The following IMPA2 variants were observed in gnomAD, a reference collection of about 807,000 sequenced individuals.
The protein encoded by IMPA2 is inositol monophosphatase 2, also known as IMP 2.
In IMPA2, 32 loss-of-function variants were observed where a neutral mutation model predicts 35.1. The ratio of observed to expected loss-of-function variants is 0.91; its 90% CI spans 0.69 to 1.23. The LOEUF is 1.23. Among genes scored for constraint, IMPA2 ranks in the 50% most tolerant of loss-of-function variants. The pLI is 0.00. For synonymous variants in IMPA2, 135 were observed against 160.6 expected (o/e 0.84, Z 1.20); for missense variants, 334 against 387.6 (o/e 0.86, Z 1.16).
At chr18:12,008,366 G>A (rs1459795562) in intron 2 of IMPA2, 2 of 518,964 alleles carry the variant, frequency 3.9e-6, no homozygotes, top group South Asian at 1.4e-5. Context: ...TGTGAACCCG[G>A]CACAGGAACT....
At chr18:11,998,607 C>T (rs1372366830) in intron 1 of IMPA2, among the ~76,000 whole-genome samples, 1 of 152,110 alleles carries the variant, frequency 6.6e-6, no homozygotes, top group Non-Finnish European at 1.5e-5. Flanking sequence ...ACTGAAATCT[C>T]CTAAATTTGA....
rs114094293 is a variant in IMPA2 at position 11,996,558 on chromosome 18, C to T, written c.97-2496C>T. 4.4e-3 allele frequency among the ~76,000 whole-genome samples: 666 copies of T among 152,246 alleles called. 3 individuals are homozygous for T. The highest frequency in any genetic ancestry group is 0.015 in the African/African-American group (634 of 41,542). On this transcript the variant is annotated intron_variant, in intron 1 of 7. Coordinates refer to ENST00000269159, the MANE Select transcript of IMPA2 (RefSeq NM_014214.3). ...GGTTCAGAACCCACCACCACCTGCC[C>T]ACCCCGCCCGCTGAGGTGGAACATC...
At position 11,981,589 on chromosome 18, in the gene IMPA2, T is replaced by A; in HGVS notation, c.-81T>A. 1 of 949,330 alleles carries A rather than the reference T, an allele frequency of 1.1e-6. No individual in the cohort carries two copies. The highest frequency in any genetic ancestry group is 5.4e-5 in the South Asian group (1 of 18,526). The allele number at this position is 949,330 out of a possible 1,614,324, so 58.8% of individuals were successfully genotyped here. ...GAGCAGGCACAGGGAGTGTGGAGCC[T>A]GGCGGCGGGACGGCGGGATCCGGTG... On this transcript the variant is annotated 5_prime_UTR_variant, in exon 1 of 8. Transcript: ENST00000269159.
chr18:12,009,726 A>G (rs915801117), intron 2 of IMPA2, among the ~76,000 whole-genome samples, 157 bp from the exon 3 acceptor site: 5 of 152,174 alleles, frequency 3.3e-5, no homozygotes, highest in Admixed American at 6.5e-5. Context: ...CAAAAAGCAC[A>G]TGGTTGTTTA....
intron 1 of IMPA2, among the ~76,000 whole-genome samples, chr18:11,998,809 A>G (rs953450834): frequency 1.3e-5 from 2 of 152,038 alleles, no homozygotes; most frequent in Admixed American, 6.6e-5. Context: ...TTGTAAAAGA[A>G]TAATGGTGGA....
intron 1 of IMPA2, among the ~76,000 whole-genome samples, chr18:11,984,624 G>T (rs1471270917): frequency 1.3e-5 from 2 of 152,060 alleles, no homozygotes; most frequent in African/African-American, 2.4e-5. Context: ...TGGATCACCT[G>T]AGGTCGGGAA....
chr18:12,014,501 A>G, intron 5 of IMPA2, 128 bp downstream of exon 5: 1 of 575,640 alleles, frequency 1.7e-6, no homozygotes, highest in Non-Finnish European at 3.0e-6. Flanking sequence ...TTTTAGGGAC[A>G]TCGTGTCCCT....
At chr18:12,028,632 T>C in intron 6 of IMPA2, 1 of 588,282 alleles carries the variant, frequency 1.7e-6, no homozygotes, top group Admixed American at 3.1e-5. Context: ...AGCTGGGAGC[T>C]GTCATGGCAC....
chr18:11,997,180 G>C (rs1271821085), intron 1 of IMPA2, among the ~76,000 whole-genome samples: 3 of 152,218 alleles, frequency 2.0e-5, no homozygotes, highest in Non-Finnish European at 4.4e-5. Context: ...GAGGGTCCTG[G>C]ACCATGGGCA....
At chr18:12,009,695 T>C (rs912735005) in intron 2 of IMPA2, among the ~76,000 whole-genome samples, 188 bp from the exon 3 acceptor site, 1 of 152,176 alleles carries the variant, frequency 6.6e-6, no homozygotes, top group African/African-American at 2.4e-5. Context: ...TCCTGCTGAG[T>C]AGGTCCGCTG....
At chr18:11,988,271 G>T (rs1906722795) in intron 1 of IMPA2, among the ~76,000 whole-genome samples, 1 of 152,190 alleles carries the variant, frequency 6.6e-6, no homozygotes, top group Non-Finnish European at 1.5e-5. Flanking sequence ...CTCCCAAAGT[G>T]CTGGGATTAC....
chr18:12,019,711 G>A (rs780128495), intron 5 of IMPA2, among the ~76,000 whole-genome samples: 4 of 151,954 alleles, frequency 2.6e-5, no homozygotes, highest in Non-Finnish European at 5.9e-5. Flanking sequence ...TGTATTGGTC[G>A]TTTGGGAAAT....
intron 5 of IMPA2, among the ~76,000 whole-genome samples, chr18:12,024,516 T>C (rs1907825253): frequency 6.6e-6 from 1 of 152,194 alleles, no homozygotes; most frequent in Non-Finnish European, 1.5e-5. Flanking sequence ...TGCACTTGTA[T>C]GACTTGAAGT....
At chr18:12,019,388 G>A (rs999056517) in intron 5 of IMPA2, among the ~76,000 whole-genome samples, 3 of 151,060 alleles carry the variant, frequency 2.0e-5, no homozygotes, top group Non-Finnish European at 4.4e-5. Flanking sequence ...CGGAGTAGCT[G>A]GAATTATAGG....
intron 1 of IMPA2, chr18:11,994,075 A>G (rs1181145181): frequency 6.6e-6 from 1 of 152,252 alleles, no homozygotes. Flanking sequence ...AACAGTTAAT[A>G]TTTTAAAAGA....
In IMPA2 at chr18:11,991,802, T is replaced by G. The variant is rs1598684486; in HGVS notation, c.97-7252T>G. On this transcript the variant is annotated intron_variant, in intron 1 of 7. Transcript: ENST00000269159. The surrounding 1 kb of genome is among the most constrained non-coding windows in gnomAD (Gnocchi z 4.1). ...CCCACAGGAAGGAGAGGGATCTACT[T>G]TCCTGATTAAGATGCTGATGCCCTC... 6.6e-6 allele frequency among the ~76,000 whole-genome samples: 1 copy of G among 152,146 alleles called. No individual in the cohort carries two copies. Among genetic ancestry groups the G allele is most frequent in the East Asian group, 1.9e-4 (1 of 5,174 alleles).
At chr18:12,024,720 C>T (rs1253877209) in intron 5 of IMPA2, among the ~76,000 whole-genome samples, 1 of 151,902 alleles carries the variant, frequency 6.6e-6, no homozygotes, top group Non-Finnish European at 1.5e-5. Flanking sequence ...TTTTCTCCCC[C>T]TCCCTCCTCC....
intron 1 of IMPA2, among the ~76,000 whole-genome samples, chr18:11,982,677 C>T (rs2143768594): frequency 6.6e-6 from 1 of 152,044 alleles, no homozygotes; most frequent in South Asian, 2.1e-4. Context: ...GCCTTAGTTC[C>T]AGCTATTTGG....
chr18:11,988,001 C>T (rs371923121), intron 1 of IMPA2, among the ~76,000 whole-genome samples: 24 of 101,834 alleles, frequency 2.4e-4, no homozygotes, highest in East Asian at 6.0e-4. Context: ...TGTTTATTGG[C>T]TTTTTTTTTT....
Sources: gnomAD v4.1 joint callset for allele counts (sites outside exome capture counted in the v4.1 genomes callset) on GRCh38, gnomAD v4.1.1 for gene constraint, Gnocchi (gnomAD v3.1) non-coding constraint, MANE v1.5 for transcripts, NCBI Gene and HGNC (gene_info 2026-07-23, HGNC 2026-07-21) for gene names.